Variants in AMER1 observed in about 807,000 individuals in gnomAD.
AMER1 encodes RP11-403E24.2.
A neutral mutation model predicts 53.0 loss-of-function variants in AMER1; 16 were observed. The observed-to-expected ratio is 0.30, with a 90% confidence interval of 0.20 to 0.46. The LOEUF is 0.46. Among genes scored for constraint, AMER1 ranks in the 20% least tolerant of loss-of-function variants. AMER1 has a pLI of 1.00. For synonymous variants in AMER1, 354 were observed against 331.9 expected (o/e 1.07, Z -0.73); for missense variants, 947 against 884.9 (o/e 1.07, Z -0.89).
chrX:64,189,859 T>C lies in AMER1; in HGVS notation c.*20A>G, dbSNP rs1486581554. On this transcript the variant is annotated 3_prime_UTR_variant, in exon 2 of 2. Transcript: ENST00000374869. ...TTCACATGCTCAGGCCCCGTGTCCC[T>C]ACTCCAGAATTGATAATAACTACTT... The C allele has an allele frequency of 1.0e-6, 1 of 992,820 alleles. No homozygotes were observed. The highest frequency in any genetic ancestry group is 1.9e-5 in the South Asian group (1 of 53,008). 81.8% of individuals were successfully genotyped at this position (992,820 alleles called of 1,213,427 possible). A position where few individuals can be genotyped will look rare whatever the true frequency, so the allele number is the denominator to read the frequency against.
At chrX:64,196,029 A>G (rs183927121) in intron 1 of AMER1, among the ~76,000 whole-genome samples, 1 of 112,348 alleles carries the variant, frequency 8.9e-6, no homozygotes, top group African/African-American at 3.2e-5. Context: ...AAATTGAATC[A>G]CAAAGAAGGC....
intron 1 of AMER1, among the ~76,000 whole-genome samples, chrX:64,196,814 G>A (rs751922089): frequency 4.5e-5 from 5 of 111,660 alleles, no homozygotes; most frequent in Non-Finnish European, 9.4e-5. Flanking sequence ...CTCTCCCAGA[G>A]CCATGTCCCC....
chrX:64,195,064 G>A (rs911097479), intron 1 of AMER1, among the ~76,000 whole-genome samples: 2 of 111,902 alleles, frequency 1.8e-5, no homozygotes, highest in African/African-American at 3.3e-5. Flanking sequence ...CATTTGCTCA[G>A]GTTAGAGATT....
chrX:64,201,669 T>C (rs1930492177), intron 1 of AMER1, among the ~76,000 whole-genome samples: 1 of 111,882 alleles, frequency 8.9e-6, no homozygotes, highest in South Asian at 3.8e-4. Context: ...TGAAATAACA[T>C]TGGACATTCT....
chrX:64,190,684 C>A lies in AMER1; in HGVS notation c.2603G>T (p.Ser868Ile). The stretch of plus-strand genomic sequence containing the variant: ...AGGCAGTCCCAAGTATCGAGGGAGG[C>A]TGCTCACACCCCAGGGCAGGCCTTG... ...FYQGLPWGVS[S>I]LPRYLGLPGL... Residue 868 changes from serine (S) to isoleucine (I), a missense_variant, in exon 2 of 2, where the codon AGC becomes ATC. Ser to Ile is a moderately radical substitution (Grantham distance 142, BLOSUM62 -2). Transcript: ENST00000374869. 1 of 1,211,208 alleles carries A rather than the reference C, an allele frequency of 8.3e-7. No individual in the cohort carries two copies. Among genetic ancestry groups the A allele is most frequent in the Non-Finnish European group, 1.1e-6 (1 of 895,200 alleles).
chrX:64,192,212 T>A lies in AMER1; in HGVS notation c.1075A>T (p.Ser359Cys), dbSNP rs771015941. 3.3e-6 allele frequency: 4 copies of A among 1,210,478 alleles called. No homozygotes were observed. Among genetic ancestry groups the A allele is most frequent in the East Asian group, 3.0e-5 (1 of 33,772 alleles). ...CCTTGGTAGGTCACCAGGCAGGAAC[T>A]TCGCTTGGTCCCATCTCGGTTTGCT... ...QRANRDGTKR[S>C]SCLVTYQGGG... is the part of the protein sequence containing the mutation. Residue 359 changes from serine (S) to cysteine (C), a missense_variant, in exon 2 of 2, where the codon AGT becomes TGT. Ser to Cys is a moderately radical substitution (Grantham distance 112). Transcript: ENST00000374869.
At chrX:64,196,559 G>C (rs760217000) in intron 1 of AMER1, among the ~76,000 whole-genome samples, 1 of 111,836 alleles carries the variant, frequency 8.9e-6, no homozygotes, top group Non-Finnish European at 1.9e-5. Flanking sequence ...TCAGGGACTT[G>C]CTGCCTTGGC....
chrX:64,189,131 C>T lies in AMER1; in HGVS notation c.*748G>A, dbSNP rs1442142397. ...AGCTATGGCAGGACAGTTAAAAGGCCCCCATCTGGTCATGATGCCAAAGTC... is the reference window on the plus strand; with the variant it reads ...AGCTATGGCAGGACAGTTAAAAGGCTCCCATCTGGTCATGATGCCAAAGTC... On this transcript the variant is annotated 3_prime_UTR_variant, in exon 2 of 2. Transcript: ENST00000374869. 1 of 799,425 alleles carries T rather than the reference C, an allele frequency of 1.3e-6. No individual in the cohort carries two copies. 65.9% of individuals were successfully genotyped at this position (799,425 alleles called of 1,213,427 possible). A position where few individuals can be genotyped will look rare whatever the true frequency, so the allele number is the denominator to read the frequency against.
chrX:64,186,942 G>C lies in AMER1; in HGVS notation c.*2937C>G, dbSNP rs1930123145. ...AGGCCTATTGGGTAATAAGATGAAG[G>C]CAGCTACTTCCACTAAGTCCCATTT... On this transcript the variant is annotated 3_prime_UTR_variant, in exon 2 of 2. Coordinates refer to ENST00000374869, the MANE Select transcript of AMER1 (RefSeq NM_152424.4). The C allele has an allele frequency of 1.3e-6, 1 of 774,853 alleles. No individual in the cohort carries two copies. Among genetic ancestry groups the C allele is most frequent in the African/African-American group, 2.2e-5 (1 of 44,535 alleles). The allele number at this position is 774,853 out of a possible 1,213,427, so 63.9% of individuals were successfully genotyped here.
rs1930224305 is a variant in AMER1 at position 64,190,616 on chromosome X, T to C, written c.2671A>G (p.Arg891Gly). 1 of 1,210,251 alleles carries C rather than the reference T, an allele frequency of 8.3e-7. No individual in the cohort carries two copies. The highest frequency in any genetic ancestry group is 1.7e-5 in the African/African-American group (1 of 57,216). The stretch of plus-strand genomic sequence containing the variant: ...GCAGTGTCGAGAGAGCGGCTTCTCC[T>C]GTTGAGGGCCATAGCAGCAGGTGGA... The part of the protein sequence containing the change: ...RPPPAAMALN[R>G]RSRSLDTAET... Residue 891 changes from arginine (R) to glycine (G), a missense_variant, in exon 2 of 2, where the codon AGG becomes GGG. Physicochemically the swap from Arg to Gly is moderately radical, Grantham distance 125. Transcript: ENST00000374869.
In AMER1 at chrX:64,189,514, G is replaced by GTGTGTGTGTGTATATATATATA. The variant is rs1205241247; in HGVS notation, c.*364_*365insTATATATATATACACACACACA. On this transcript the variant is annotated 3_prime_UTR_variant, in exon 2 of 2. Transcript: ENST00000374869. ...TGTGTGTGTGTGTGTGTGTGTGTGTGTATATATATATATATATATATATAT... is the reference window on the plus strand; with the variant it reads ...TGTGTGTGTGTGTGTGTGTGTGTGTGTGTGTGTGTGTATATATATATATATATATATATATATATATATATAT... 1 of 28,062 alleles carries GTGTGTGTGTGTATATATATATA rather than the reference G, an allele frequency of 3.6e-5. No individual in the cohort carries two copies. The highest frequency in any genetic ancestry group is 1.7e-4 in the African/African-American group (1 of 5,951). The allele number at this position is 28,062 out of a possible 1,213,427, so 2.3% of individuals were successfully genotyped here. A position where few individuals can be genotyped will look rare whatever the true frequency, so the allele number is the denominator to read the frequency against.
At position 64,202,206 on chromosome X, in the gene AMER1, C is replaced by T. The variant is rs182026037; in HGVS notation, c.-99+3364G>A. Among the ~76,000 whole-genome samples the T allele has an allele frequency of 5.6e-3, 627 of 111,657 alleles. 2 individuals carry two copies. The highest frequency in any genetic ancestry group is 9.4e-3 in the Non-Finnish European group (500 of 53,090). ...TTAGACTGCCAAATTCTTCCAACTA[C>T]CTCCTCTCCTTTTGAAATTTTCAGT... On this transcript the variant is annotated intron_variant, in intron 1 of 1. Transcript: ENST00000374869.
In AMER1 at chrX:64,186,397, C is replaced by T. The variant is rs1221085831; in HGVS notation, c.*3482G>A. On this transcript the variant is annotated 3_prime_UTR_variant, in exon 2 of 2. Coordinates refer to ENST00000374869, the MANE Select transcript of AMER1 (RefSeq NM_152424.4). ...CATTGTTTTCCATGAATATAAAATGCAAACAATATAAAAATAGATAATTGA... is the reference window on the plus strand; with the variant it reads ...CATTGTTTTCCATGAATATAAAATGTAAACAATATAAAAATAGATAATTGA... 2 of 830,184 alleles carry T rather than the reference C, an allele frequency of 2.4e-6. No homozygotes were observed. The highest frequency in any genetic ancestry group is 4.3e-5 in the African/African-American group (2 of 46,449). The allele number at this position is 830,184 out of a possible 1,213,427, so 68.4% of individuals were successfully genotyped here.
Position 64,189,792 on chromosome X carries a change from A to AGGGGGGGGGC in AMER1, c.*86_*87insGCCCCCCCCC. 4.0e-6 allele frequency: 3 copies of AGGGGGGGGGC among 746,974 alleles called. No individual in the cohort carries two copies. The highest frequency in any genetic ancestry group is 3.2e-5 in the South Asian group (1 of 31,402). 61.6% of individuals were successfully genotyped at this position (746,974 alleles called of 1,213,427 possible). A position where few individuals can be genotyped will look rare whatever the true frequency, so the allele number is the denominator to read the frequency against. ...CCAAAGGGTTTTCAAGTTAAACAAC[A>AGGGGGGGGGC]ACCCCCACCCCCCCACCCTTCTGCC... On this transcript the variant is annotated 3_prime_UTR_variant, in exon 2 of 2. Coordinates refer to ENST00000374869, the MANE Select transcript of AMER1 (RefSeq NM_152424.4).
At chrX:64,195,120 C>A (rs1428430031) in intron 1 of AMER1, among the ~76,000 whole-genome samples, 1 of 111,608 alleles carries the variant, frequency 9.0e-6, no homozygotes, top group African/African-American at 3.3e-5. Context: ...CTCAGCCCTG[C>A]AACTGATAGT....
rs1930163940 is a variant in AMER1, at chrX:64,188,956, C to T, written c.*923G>A. The T allele has an allele frequency of 2.5e-6, 2 of 807,858 alleles. No homozygotes were observed. Among genetic ancestry groups the T allele is most frequent in the Non-Finnish European group, 1.5e-6 (1 of 672,297 alleles). The allele number at this position is 807,858 out of a possible 1,213,427, so 66.6% of individuals were successfully genotyped here. A position where few individuals can be genotyped will look rare whatever the true frequency, so the allele number is the denominator to read the frequency against. On this transcript the variant is annotated 3_prime_UTR_variant, in exon 2 of 2. Coordinates refer to ENST00000374869, the MANE Select transcript of AMER1 (RefSeq NM_152424.4). ...AAAGCATCTGCAACTCAGGTAGTCA[C>T]AAGCTTAAAAGAAGGAAAAAAAATC...
At chrX:64,194,879 C>T (rs961454006) in intron 1 of AMER1, among the ~76,000 whole-genome samples, 4 of 111,603 alleles carry the variant, frequency 3.6e-5, no homozygotes, top group African/African-American at 1.3e-4. Flanking sequence ...GTGCCTGCTG[C>T]CTTGCTTGGC....
rs1374897475 is a variant in AMER1, at chrX:64,187,524, C to T, written c.*2355G>A. On this transcript the variant is annotated 3_prime_UTR_variant, in exon 2 of 2. Transcript: ENST00000374869. ...CCTGAGGGCAGCTCTCAGCCCTTAG[C>T]CAAAGGTTGGCCACCTCCTTTTTCT... 2.6e-6 allele frequency: 2 copies of T among 780,233 alleles called. No homozygotes were observed. The highest frequency in any genetic ancestry group is 4.5e-5 in the African/African-American group (2 of 44,251). 64.3% of individuals were successfully genotyped at this position (780,233 alleles called of 1,213,427 possible). A position where few individuals can be genotyped will look rare whatever the true frequency, so the allele number is the denominator to read the frequency against.
chrX:64,197,463 G>A (rs1345760042), intron 1 of AMER1, among the ~76,000 whole-genome samples: 1 of 113,084 alleles, frequency 8.8e-6, no homozygotes, highest in East Asian at 2.8e-4. Context: ...CCCTTCTCAA[G>A]GAGAAGGGAC....
Sources: allele counts gnomAD v4.1 joint callset (sites outside exome capture counted in the v4.1 genomes callset), GRCh38; gene constraint gnomAD v4.1.1; transcripts MANE v1.5; gene names NCBI Gene and HGNC (gene_info 2026-07-23, HGNC 2026-07-21).